Variants in CNOT4 observed in about 807,000 individuals in gnomAD.
CNOT4 encodes CCR4-NOT transcription complex subunit 4.
Under a neutral mutation model 73.8 loss-of-function variants are expected in CNOT4, and 8 were observed. That is an observed-to-expected ratio of 0.11 (90% CI 0.06 to 0.20). The LOEUF (loss-of-function observed/expected upper bound fraction) is 0.20, where lower values mean the gene tolerates loss of function less well. Among genes scored for constraint, CNOT4 ranks in the 10% least tolerant of loss-of-function variants. The pLI is 1.00. For missense variants in CNOT4, 564 were observed against 883.4 expected (o/e 0.64, Z 4.58); for synonymous variants, 293 against 321.1 (o/e 0.91, Z 0.94).
intron 3 of CNOT4, among the ~76,000 whole-genome samples, chr7:135,418,262 A>T (rs946714834): frequency 5.3e-5 from 8 of 152,240 alleles, no homozygotes; most frequent in African/African-American, 1.9e-4. Context: ...TTCTGCCTAA[A>T]CAACTAGCAA....
intron 1 of CNOT4, among the ~76,000 whole-genome samples, chr7:135,498,053 T>C (rs2129488024): frequency 6.6e-6 from 1 of 152,324 alleles, no homozygotes; most frequent in South Asian, 2.1e-4. Context: ...GGTATCTCCA[T>C]TTTACAAATG....
intron 1 of CNOT4, among the ~76,000 whole-genome samples, chr7:135,440,992 T>C (rs1394860306): frequency 6.6e-6 from 1 of 152,100 alleles, no homozygotes; most frequent in Non-Finnish European, 1.5e-5. Context: ...TAAGTAAATA[T>C]GATATAACAT....
At chr7:135,495,669 C>CAAAA (rs1198174318) in intron 1 of CNOT4, among the ~76,000 whole-genome samples, 1 of 31,866 alleles carries the variant, frequency 3.1e-5, no homozygotes, top group Non-Finnish European at 5.6e-5. Flanking sequence ...GACCCTGTGT[C>CAAAA]AAAAAAAAAA....
In CNOT4 at chr7:135,435,924, C is replaced by CA. The variant is rs563927828; in HGVS notation, c.174+2233dup. The stretch of plus-strand genomic sequence containing the variant: ...GGGCATCTGTCTCTGCTACATGGCA[C>CA]AAAAAAGGGGGTAGGCCTATAAGGC... On this transcript the variant is annotated intron_variant, in intron 2 of 11. Coordinates refer to ENST00000541284, the MANE Select transcript of CNOT4 (RefSeq NM_001190850.2). Among the ~76,000 whole-genome samples the CA allele has an allele frequency of 1.6e-4, 24 of 150,850 alleles. No individual in the cohort carries two copies. In the South Asian group the frequency reaches 5.1e-3, roughly 32 times the overall value.
At chr7:135,440,241 A>T (rs1799395610) in intron 1 of CNOT4, among the ~76,000 whole-genome samples, 1 of 150,608 alleles carries the variant, frequency 6.6e-6, no homozygotes, top group Non-Finnish European at 1.5e-5. Flanking sequence ...AAAAAAAGAG[A>T]CAAGAAAATG....
chr7:135,405,091 CAG>C (rs1245097213), intron 7 of CNOT4, among the ~76,000 whole-genome samples: 1 of 152,174 alleles, frequency 6.6e-6, no homozygotes, highest in African/African-American at 2.4e-5. Context: ...TTTAAAGTCA[CAG>C]AGACTTTGGT....
chr7:135,446,076 C>T (rs1170158985), intron 1 of CNOT4, among the ~76,000 whole-genome samples: 1 of 152,132 alleles, frequency 6.6e-6, no homozygotes, highest in Non-Finnish European at 1.5e-5. Context: ...TAGATGGGGT[C>T]TCCCTGTGTT....
intron 1 of CNOT4, among the ~76,000 whole-genome samples, chr7:135,475,189 T>G (rs557555209): frequency 6.6e-6 from 1 of 152,298 alleles, no homozygotes; most frequent in Non-Finnish European, 1.5e-5. Context: ...AATTCTACAT[T>G]TTAGAATCTC....
chr7:135,454,780 G>T (rs1216681017), intron 1 of CNOT4, among the ~76,000 whole-genome samples: 1 of 151,606 alleles, frequency 6.6e-6, no homozygotes, highest in Non-Finnish European at 1.5e-5. Context: ...TAGTCCCAGG[G>T]GGCTGAGGCA....
At chr7:135,387,228 CT>C in intron 10 of CNOT4, 1 of 984,830 alleles carries the variant, frequency 1.0e-6, no homozygotes, top group Non-Finnish European at 1.2e-6. Flanking sequence ...AAAGTCACTT[CT>C]AGATAGAAAT....
intron 9 of CNOT4, 53 bp from the exon 10 acceptor site, chr7:135,394,468 C>T (rs1431812249): frequency 2.9e-6 from 4 of 1,400,846 alleles, no homozygotes; most frequent in East Asian, 2.3e-5. Context: ...CATTTTCATA[C>T]TTAATAAGTA....
intron 10 of CNOT4, chr7:135,384,383 C>T (rs571294162): frequency 2.0e-5 from 6 of 305,292 alleles, no homozygotes; most frequent in South Asian, 1.8e-4. Flanking sequence ...CTCCTGGGTT[C>T]GCGCCATTCT....
chr7:135,506,256 G>C (rs1260389553), intron 1 of CNOT4, among the ~76,000 whole-genome samples: 3 of 152,142 alleles, frequency 2.0e-5, no homozygotes, highest in Non-Finnish European at 4.4e-5. Flanking sequence ...GTTCCATTTA[G>C]ATTAAGAAAT....
Position 135,485,617 on chromosome 7 carries a change from C to T in CNOT4, c.-93+24272G>A, listed in dbSNP as rs1314587422. ...ACACAAATATGCCCAAATGATTTTTCGCAATGATGCACAAGCAATTCAATA... is the reference window on the plus strand; with the variant it reads ...ACACAAATATGCCCAAATGATTTTTTGCAATGATGCACAAGCAATTCAATA... On this transcript the variant is annotated intron_variant, in intron 1 of 11. Coordinates refer to ENST00000541284, the MANE Select transcript of CNOT4 (RefSeq NM_001190850.2). 2.6e-5 allele frequency among the ~76,000 whole-genome samples: 4 copies of T among 152,126 alleles called. No individual in the cohort carries two copies. The South Asian group carries it at 6.2e-4, about 24-fold the overall frequency.
At chr7:135,410,800 A>T (rs1797552333) in intron 6 of CNOT4, 152 bp from the exon 7 acceptor site, 4 of 508,050 alleles carry the variant, frequency 7.9e-6, no homozygotes, top group Non-Finnish European at 1.1e-5. Flanking sequence ...ATAAATTTTT[A>T]AATAAAACAA....
chr7:135,474,969 C>A (rs914164554), intron 1 of CNOT4, among the ~76,000 whole-genome samples: 1 of 151,908 alleles, frequency 6.6e-6, no homozygotes, highest in Non-Finnish European at 1.5e-5. Flanking sequence ...AAGAAATGTG[C>A]GCTGTTTCAA....
intron 10 of CNOT4, among the ~76,000 whole-genome samples, chr7:135,366,480 G>A (rs1283582574): frequency 6.6e-6 from 1 of 152,170 alleles, no homozygotes; most frequent in Non-Finnish European, 1.5e-5. Flanking sequence ...GGGTATGTTA[G>A]CCAAAGAAAT....
At chr7:135,505,445 G>C (rs1329649339) in intron 1 of CNOT4, among the ~76,000 whole-genome samples, 1 of 152,086 alleles carries the variant, frequency 6.6e-6, no homozygotes, top group Non-Finnish European at 1.5e-5. Flanking sequence ...CCAGCTACTC[G>C]GGAGGCTGAG....
At chr7:135,431,244 G>A (rs1459664394) in intron 2 of CNOT4, among the ~76,000 whole-genome samples, 1 of 152,212 alleles carries the variant, frequency 6.6e-6, no homozygotes, top group Non-Finnish European at 1.5e-5. Flanking sequence ...CATAGCCTGG[G>A]CGAAAGAGCA....
Sources: gnomAD v4.1 joint callset for allele counts (sites outside exome capture counted in the v4.1 genomes callset) on GRCh38, gnomAD v4.1.1 for gene constraint, MANE v1.5 for transcripts, NCBI Gene and HGNC (gene_info 2026-07-23, HGNC 2026-07-21) for gene names.